FSIP2: variants seen among roughly 807,000 people sequenced by gnomAD.
FSIP2 encodes the protein fibrous sheath-interacting protein 2.
Under a neutral mutation model 510.5 loss-of-function variants are expected in FSIP2, and 367 were observed. The ratio of observed to expected loss-of-function variants is 0.72; its 90% CI spans 0.66 to 0.78. The LOEUF is 0.78. FSIP2 is among the 30% of genes least tolerant of loss of function. The pLI is 0.00. For synonymous variants in FSIP2, 2,601 were observed against 2,732.2 expected (o/e 0.95, Z 1.50); for missense variants, 7,594 against 7,901.7 (o/e 0.96, Z 1.48).
In FSIP2 at chr2:185,795,268, T is replaced by C. The variant is rs1323507441; in HGVS notation, c.8132T>C (p.Ile2711Thr). ...AAAGACAGCAGATCCAAGACTGCCA[T>C]TGGGTTGTCACACATCATGTCAGCT... The part of the protein sequence containing the change: ...TLKDSRSKTA[I>T]GLSHIMSAGD... Residue 2711 changes from isoleucine to threonine, a missense_variant, in exon 16 of 23, where the codon ATT (isoleucine) becomes ACT (threonine). Physicochemically the swap from Ile to Thr is moderately conservative, Grantham distance 89. Coordinates refer to ENST00000424728, the MANE Select transcript of FSIP2 (RefSeq NM_173651.4). 1.6e-5 allele frequency: 24 copies of C among 1,534,998 alleles called. No individual in the cohort carries two copies. The African/African-American group carries it at 1.8e-4, about 11-fold the overall frequency.
At chr2:185,778,059 T>C (rs1692765662) in intron 13 of FSIP2, among the ~76,000 whole-genome samples, 1 of 152,102 alleles carries the variant, frequency 6.6e-6, no homozygotes, top group Admixed American at 6.5e-5. Flanking sequence ...TTTTGAGTGC[T>C]TTTAGCAAGT....
intron 13 of FSIP2, among the ~76,000 whole-genome samples, chr2:185,766,781 C>A (rs1345653429): frequency 6.9e-6 from 1 of 145,168 alleles, no homozygotes; most frequent in African/African-American, 2.5e-5. Context: ...GGATCTAGAA[C>A]TGGAAATACC....
chr2:185,779,273 T>TA (rs1197731281), intron 13 of FSIP2, among the ~76,000 whole-genome samples: 2 of 149,472 alleles, frequency 1.3e-5, no homozygotes, highest in African/African-American at 4.9e-5. Context: ...TGCATTCTCT[T>TA]AGAGTGCTAA....
Position 185,805,216 on chromosome 2 carries a change from G to A in FSIP2, c.15910G>A (p.Ala5304Thr), listed in dbSNP as rs763033835. ...ITEDSKKNEM[A>T]ELDIMGLALK... ...TGAAGATTCTAAGAAAAATGAAATG[G>A]CAGAGCTAGATATTATGGGCTTGGC... The change falls in exon 17 of 23, where the codon GCA becomes ACA. Residue 5304 changes from alanine to threonine, a missense_variant. Ala to Thr is a moderately conservative substitution (Grantham distance 58). Transcript: ENST00000424728. 6.2e-7 allele frequency: 1 copy of A among 1,602,986 alleles called. No homozygotes were observed. Among genetic ancestry groups the A allele is most frequent in the Non-Finnish European group, 8.5e-7 (1 of 1,175,722 alleles).
chr2:185,766,614 T>A (rs1174048034), intron 13 of FSIP2: 3 of 149,652 alleles, frequency 2.0e-5, no homozygotes, highest in Non-Finnish European at 4.5e-5. Context: ...AAAACCACAA[T>A]GAGATACCAT....
intron 19 of FSIP2, among the ~76,000 whole-genome samples, chr2:185,819,722 T>C (rs1414528871): frequency 1.3e-5 from 2 of 151,972 alleles, no homozygotes; most frequent in Non-Finnish European, 2.9e-5. Context: ...TTTAATACTT[T>C]GTGTTAGATG....
chr2:185,786,223 A>C (rs933752132), intron 14 of FSIP2, 29 bp from the exon 15 acceptor site: 10 of 1,469,384 alleles, frequency 6.8e-6, no homozygotes, highest in Middle Eastern at 3.5e-4. Context: ...ACTCTATGTA[A>C]TAACTAAATG....
In FSIP2 at chr2:185,801,291, T is replaced by A; in HGVS notation, c.11985T>A (p.Asn3995Lys). 3 of 1,533,640 alleles carry A rather than the reference T, an allele frequency of 2.0e-6. No individual in the cohort carries two copies. Among genetic ancestry groups the A allele is most frequent in the Non-Finnish European group, 2.6e-6 (3 of 1,145,290 alleles). ...TCTCTATGTCATTGTGGGGCAAAAATAAAAACATCACTGTGTCCTGGCTCA... is the reference window on the plus strand; with the variant it reads ...TCTCTATGTCATTGTGGGGCAAAAAAAAAAACATCACTGTGTCCTGGCTCA... The part of the protein sequence containing the change: ...FNLSMSLWGK[N>K]KNITVSWLNE... Residue 3995 changes from asparagine (N) to lysine (K), a missense_variant, in exon 17 of 23, where the codon AAT (asparagine) becomes AAA (lysine). Physicochemically the swap from Asn to Lys is moderately conservative, Grantham distance 94 (BLOSUM62 0). Transcript: ENST00000424728.
At chr2:185,755,485 T>G (rs1358033689) in intron 8 of FSIP2, among the ~76,000 whole-genome samples, 3 of 151,594 alleles carry the variant, frequency 2.0e-5, no homozygotes, top group African/African-American at 7.3e-5. Flanking sequence ...AGAAGTAGTA[T>G]GAAAATGAGT....
chr2:185,813,709 T>A lies in FSIP2; in HGVS notation c.19992T>A (p.Asp6664Glu). The change falls in exon 18 of 23, where the codon GAT (aspartate) becomes GAA (glutamate). Residue 6664 changes from aspartate to glutamate, a missense_variant. Asp to Glu is a conservative substitution (Grantham distance 45, BLOSUM62 2). Transcript: ENST00000424728. ...ENYIKEERDS[D>E]EDEVVLTQTF... ...ACATAAAAGAGGAACGAGATTCTGA[T>A]GAAGATGAAGTTGTTTTAACACAGA... The A allele has an allele frequency of 1.2e-6, 2 of 1,610,360 alleles. No homozygotes were observed. The highest frequency in any genetic ancestry group is 2.2e-5 in the South Asian group (2 of 90,524).
chr2:185,801,153 A>C lies in FSIP2; in HGVS notation c.11847A>C (p.Thr3949=), dbSNP rs1159068213. ...SSVSPFERQR[T]KEMDKVAIHN... ...TGTCACCTTTTGAAAGACAGAGAAC[A>C]AAGGAAATGGATAAGGTAGCCATTC... Residue 3949 remains threonine (T), a synonymous_variant, in exon 17 of 23, where the codon ACA becomes ACC. Transcript: ENST00000424728. 1.1e-5 allele frequency: 17 copies of C among 1,533,974 alleles called. No homozygotes were observed. The highest frequency in any genetic ancestry group is 1.5e-5 in the Non-Finnish European group (17 of 1,145,514).
chr2:185,758,542 G>T (rs942447785), intron 9 of FSIP2, among the ~76,000 whole-genome samples: 2 of 151,220 alleles, frequency 1.3e-5, no homozygotes, highest in Non-Finnish European at 3.0e-5. Flanking sequence ...AAAATGTAAT[G>T]TATTTACTAT....
At position 185,807,563 on chromosome 2, in the gene FSIP2, A is replaced by C. The variant is rs200505578; in HGVS notation, c.18257A>C (p.Gln6086Pro). Reference protein sequence around the residue: ...DDDEIIQLVVQSVYNNLLPQF... With the variant: ...DDDEIIQLVVPSVYNNLLPQF... ...GATGAAATTATTCAATTAGTGGTTCAGTCTGTTTATAATAATCTCTTGCCA... is the reference window on the plus strand; with the variant it reads ...GATGAAATTATTCAATTAGTGGTTCCGTCTGTTTATAATAATCTCTTGCCA... Residue 6086 changes from glutamine to proline, a missense_variant, in exon 17 of 23, where the codon CAG becomes CCG. By Grantham distance (76) the Gln-to-Pro change is moderately conservative. Coordinates refer to ENST00000424728, the MANE Select transcript of FSIP2 (RefSeq NM_173651.4). 1 of 1,612,100 alleles carries C rather than the reference A, an allele frequency of 6.2e-7. No homozygotes were observed. Among genetic ancestry groups the C allele is most frequent in the African/African-American group, 1.3e-5 (1 of 74,820 alleles).
intron 13 of FSIP2, among the ~76,000 whole-genome samples, chr2:185,775,622 G>C (rs1692700274): frequency 6.6e-6 from 1 of 152,030 alleles, no homozygotes; most frequent in African/African-American, 2.4e-5. Flanking sequence ...CAGACCATCT[G>C]TTAACTCTAT....
Position 185,805,004 on chromosome 2 carries a change from A to G in FSIP2, c.15698A>G (p.Tyr5233Cys). 6.3e-7 allele frequency: 1 copy of G among 1,580,998 alleles called. No individual in the cohort carries two copies. Among genetic ancestry groups the G allele is most frequent in the Non-Finnish European group, 8.6e-7 (1 of 1,168,050 alleles). The change falls in exon 17 of 23, where the codon TAT becomes TGT. Residue 5233 changes from tyrosine (Y) to cysteine (C), a missense_variant. By Grantham distance (194) the Tyr-to-Cys change is radical. Transcript: ENST00000424728. ...LAGFIMKEIM[Y>C]HHLQPFLHGE... ...GGTTTTATTATGAAAGAAATCATGT[A>G]TCATCATTTACAGCCATTTTTACAT...
chr2:185,791,273 T>C lies in FSIP2; in HGVS notation c.4137T>C (p.Ser1379=), dbSNP rs954447909. The stretch of plus-strand genomic sequence containing the variant: ...CACATCAAAGAAGCATTTCACTCTC[T>C]TCTCGTAAGCCAAAGTCTGCAACTG... ...ENAHQRSISL[S]SRKPKSATDS... Residue 1379 remains serine, a synonymous_variant, in exon 16 of 23, where the codon TCT becomes TCC. Coordinates refer to ENST00000424728, the MANE Select transcript of FSIP2 (RefSeq NM_173651.4). 8.5e-6 allele frequency: 13 copies of C among 1,534,020 alleles called. No homozygotes were observed. The highest frequency in any genetic ancestry group is 1.4e-5 in the African/African-American group (1 of 72,908).
Position 185,791,613 on chromosome 2 carries a change from G to C in FSIP2, c.4477G>C (p.Ala1493Pro), listed in dbSNP as rs747157672. The change falls in exon 16 of 23, where the codon GCA becomes CCA. Residue 1493 changes from alanine (A) to proline (P), a missense_variant. Ala to Pro is a conservative substitution (Grantham distance 27, BLOSUM62 -1). Coordinates refer to ENST00000424728, the MANE Select transcript of FSIP2 (RefSeq NM_173651.4). ...ISKAILDYIL[A>P]KLCGVDMDTS... is the part of the protein sequence containing the mutation. ...TAAAGCAATTTTGGATTATATCCTT[G>C]CAAAATTATGTGGTGTTGACATGGA... The C allele has an allele frequency of 1.3e-6, 2 of 1,534,130 alleles. No homozygotes were observed. The highest frequency in any genetic ancestry group is 4.9e-5 in the East Asian group (2 of 40,852).
At chr2:185,828,064 G>T in intron 20 of FSIP2, 92 bp from the exon 21 acceptor site, 1 of 755,806 alleles carries the variant, frequency 1.3e-6, no homozygotes, top group Non-Finnish European at 2.3e-6. Context: ...TGATTCTTTG[G>T]TGAAAAATAA....
At chr2:185,817,557 C>T (rs1693847593) in intron 19 of FSIP2, among the ~76,000 whole-genome samples, 1 of 152,018 alleles carries the variant, frequency 6.6e-6, no homozygotes, top group Non-Finnish European at 1.5e-5. Context: ...CCTAAATCTT[C>T]ACTTCGGACT....
Sources: gnomAD v4.1 joint callset for allele counts (sites outside exome capture counted in the v4.1 genomes callset) on GRCh38, gnomAD v4.1.1 for gene constraint, MANE v1.5 for transcripts, NCBI Gene and HGNC (gene_info 2026-07-23, HGNC 2026-07-21) for gene names.